Variants in RFX4 observed in about 807,000 individuals in gnomAD.
The protein encoded by RFX4 is transcription factor RFX4.
A neutral mutation model predicts 95.0 loss-of-function variants in RFX4; 10 were observed. The ratio of observed to expected loss-of-function variants is 0.11; its 90% confidence interval spans 0.06 to 0.18. The LOEUF (loss-of-function observed/expected upper bound fraction) is 0.18, where lower values mean the gene tolerates loss of function less well. RFX4 is among the 10% of genes least tolerant of loss of function. The probability of loss-of-function intolerance (pLI) is 1.00; values close to 1 mark genes in which losing one functional copy is unlikely to be tolerated. For synonymous variants in RFX4, 321 were observed against 340.7 expected (o/e 0.94, Z 0.64); for missense variants, 640 against 922.0 (o/e 0.69, Z 3.96).
At chr12:106,740,906 T>C (rs2042793045) in intron 15 of RFX4, among the ~76,000 whole-genome samples, 1 of 152,174 alleles carries the variant, frequency 6.6e-6, no homozygotes, top group African/African-American at 2.4e-5. Flanking sequence ...AAGAACTTTC[T>C]ATGCGACGGG....
At chr12:106,716,829 T>A (rs992517980) in intron 11 of RFX4, among the ~76,000 whole-genome samples, 1 of 152,050 alleles carries the variant, frequency 6.6e-6, no homozygotes, top group African/African-American at 2.4e-5. Context: ...GACACTCTTA[T>A]CACCCCCACT....
At chr12:106,737,162 G>GTTTTTTTTTTTTTTT (rs556116618) in intron 15 of RFX4, among the ~76,000 whole-genome samples, 2 of 54,926 alleles carry the variant, frequency 3.6e-5, no homozygotes, top group East Asian at 5.6e-4. Flanking sequence ...CGGAACTAAA[G>GTTTTTTTTTTTTTTT]TTTTTTTTTT....
chr12:106,747,542 T>G lies in RFX4; in HGVS notation c.1739T>G (p.Val580Gly), dbSNP rs1459140903. Residue 580 changes from valine (V) to glycine (G), a missense_variant, in exon 16 of 18, where the codon GTG becomes GGG. Physicochemically the swap from Val to Gly is moderately radical, Grantham distance 109. Around this residue, in one of 7 missense-constraint regions of RFX4, gnomAD observed 300 missense variants for 346.8 expected, o/e 0.87. Coordinates refer to ENST00000392842, the MANE Select transcript of RFX4 (RefSeq NM_213594.3). The part of the protein sequence containing the change: ...QQLPCMRNTH[V>G]PSSSVTHRIP... ...CTGCCCTGTATGAGGAACACTCATG[T>G]GCCTTCTTCCTCCGTCACACACAGG... 3 of 1,614,160 alleles carry G rather than the reference T, an allele frequency of 1.9e-6. No individual in the cohort carries two copies. Among genetic ancestry groups the G allele is most frequent in the Non-Finnish European group, 2.5e-6 (3 of 1,180,026 alleles).
At position 106,586,168 on chromosome 12, in the gene RFX4, A is replaced by G. The variant is rs1054039602; in HGVS notation, c.43+2805A>G. ...CCGCGCGCCGCGGTGCTCCGGCAGG[A>G]GGCAAAGGCGACAGGCGCGCGCAGG... On this transcript the variant is annotated intron_variant, in intron 1 of 17. Transcript: ENST00000392842. This position sits in a 1 kb window ranked among gnomAD's most constrained non-coding sequence, Gnocchi z 5.6. 1.3e-5 allele frequency among the ~76,000 whole-genome samples: 2 copies of G among 152,066 alleles called. No individual in the cohort carries two copies. The highest frequency in any genetic ancestry group is 2.9e-5 in the Non-Finnish European group (2 of 67,988).
At chr12:106,701,977 G>A (rs754625673) in intron 8 of RFX4, among the ~76,000 whole-genome samples, 33 of 152,082 alleles carry the variant, frequency 2.2e-4, no homozygotes, top group South Asian at 2.1e-4. Context: ...GATCCAGGCC[G>A]GATGACAGAG....
intron 2 of RFX4, among the ~76,000 whole-genome samples, chr12:106,610,237 CAAAAAAA>C (rs398044781): frequency 1.3e-5 from 1 of 77,496 alleles, no homozygotes; most frequent in East Asian, 5.7e-4. Context: ...GACTCCATCT[CAAAAAAA>C]AAAAAAAAAA....
At chr12:106,615,280 G>T (rs1216663419) in intron 2 of RFX4, among the ~76,000 whole-genome samples, 1 of 152,036 alleles carries the variant, frequency 6.6e-6, no homozygotes, top group Non-Finnish European at 1.5e-5. Context: ...TCATAAATTG[G>T]CAGATTATAT....
intron 1 of RFX4, among the ~76,000 whole-genome samples, chr12:106,593,976 C>T (rs984608776): frequency 6.6e-6 from 1 of 152,168 alleles, no homozygotes; most frequent in Non-Finnish European, 1.5e-5. Flanking sequence ...GTGTTCACTT[C>T]CACTGCTGAT....
At chr12:106,735,179 T>C (rs1262071571) in intron 15 of RFX4, among the ~76,000 whole-genome samples, 3 of 152,058 alleles carry the variant, frequency 2.0e-5, no homozygotes, top group African/African-American at 7.2e-5. Context: ...GGTTGAATAT[T>C]AGAAAATTAG....
chr12:106,640,528 G>A (rs1185854604), intron 3 of RFX4, among the ~76,000 whole-genome samples: 1 of 152,174 alleles, frequency 6.6e-6, no homozygotes, highest in African/African-American at 2.4e-5. Flanking sequence ...AGCAAAGGTT[G>A]TTTTCAAGAG....
At chr12:106,591,905 G>A (rs973542061) in intron 1 of RFX4, among the ~76,000 whole-genome samples, 7 of 152,168 alleles carry the variant, frequency 4.6e-5, no homozygotes, top group Non-Finnish European at 1.0e-4. Flanking sequence ...AAAAGAACAT[G>A]AGCTTTGCCA....
Position 106,720,911 on chromosome 12 carries a change from CT to C in RFX4, c.1351+40del, listed in dbSNP as rs1318298024. On this transcript the variant is annotated intron_variant, in intron 13 of 17. Transcript: ENST00000392842. The surrounding 1 kb of genome is among the most constrained non-coding windows in gnomAD (Gnocchi z 4.2). ...CCCCAGCCCTCCCCATCTCCAAGCA[CT>C]TTTTCCTCTGGGCACGGAGCCCAGA... The C allele has an allele frequency of 6.3e-7, 1 of 1,587,680 alleles. No homozygotes were observed. Among genetic ancestry groups the C allele is most frequent in the East Asian group, 2.2e-5 (1 of 44,780 alleles).
chr12:106,708,504 G>A (rs1020344883), intron 8 of RFX4, among the ~76,000 whole-genome samples: 7 of 152,138 alleles, frequency 4.6e-5, no homozygotes, highest in East Asian at 3.9e-4. Context: ...CAGTGGGGTG[G>A]AGGTTGGTGA....
intron 1 of RFX4, among the ~76,000 whole-genome samples, chr12:106,592,806 T>C (rs2039567532): frequency 6.6e-6 from 1 of 152,190 alleles, no homozygotes; most frequent in African/African-American, 2.4e-5. Context: ...TTTATATATA[T>C]ATTTTTAACG....
At chr12:106,655,867 G>A (rs771688157) in intron 4 of RFX4, among the ~76,000 whole-genome samples, 5 of 152,272 alleles carry the variant, frequency 3.3e-5, no homozygotes, top group South Asian at 2.1e-4. Context: ...TACCATGTGC[G>A]ATTACAACTG....
chr12:106,600,051 C>A (rs1404320853), intron 1 of RFX4, among the ~76,000 whole-genome samples: 1 of 152,154 alleles, frequency 6.6e-6, no homozygotes, highest in Non-Finnish European at 1.5e-5. Flanking sequence ...CTACTGAATA[C>A]AATCTAGACT....
intron 4 of RFX4, chr12:106,662,212 C>T (rs1406515371): frequency 2.4e-6 from 1 of 409,286 alleles, no homozygotes; most frequent in Non-Finnish European, 4.8e-6. Flanking sequence ...GCTCTACATC[C>T]TCACCAGCAT....
intron 17 of RFX4, among the ~76,000 whole-genome samples, chr12:106,760,747 C>T (rs1183502857): frequency 6.6e-6 from 1 of 151,582 alleles, no homozygotes; most frequent in Admixed American, 6.6e-5. Context: ...CAGTGTTATG[C>T]TCTTGGGTTG....
At chr12:106,602,348 ATG>A (rs1328504084) in intron 1 of RFX4, among the ~76,000 whole-genome samples, 2 of 152,154 alleles carry the variant, frequency 1.3e-5, no homozygotes, top group East Asian at 3.9e-4. Flanking sequence ...TCATTTTTCT[ATG>A]GCCCTTAAAG....
Sources: gnomAD v4.1 joint callset for allele counts (sites outside exome capture counted in the v4.1 genomes callset) on GRCh38, gnomAD v4.1.1 for gene constraint, gnomAD v4.1.1 regional missense constraint, Gnocchi (gnomAD v3.1) non-coding constraint, MANE v1.5 for transcripts, NCBI Gene and HGNC (gene_info 2026-07-23, HGNC 2026-07-21) for gene names.